PAH: variants seen among roughly 807,000 people sequenced by gnomAD.
The protein encoded by PAH is phenylalanine-4-hydroxylase.
In PAH, 64 loss-of-function variants were observed where a neutral mutation model predicts 62.0. The observed-to-expected ratio is 1.03, with a 90% CI of 0.84 to 1.27. The LOEUF (loss-of-function observed/expected upper bound fraction) is 1.27. Ranked by LOEUF, PAH falls within the 50% of genes most tolerant of loss-of-function variation. PAH has a pLI of 0.00. For synonymous variants in PAH, 195 were observed against 196.2 expected, an observed-to-expected ratio of 0.99 and a Z score of 0.05; for missense variants, 579 against 542.8, an observed-to-expected ratio of 1.07 and a Z score of -0.66.
At chr12:102,895,869 A>AAAATATAT (rs953209518) in intron 2 of PAH, among the ~76,000 whole-genome samples, 3 of 118,740 alleles carry the variant, frequency 2.5e-5, no homozygotes, top group African/African-American at 1.1e-4. Context: ...AAAAAAAAAA[A>AAAATATAT]ATATATATAT....
chr12:102,870,561 A>G lies in PAH; in HGVS notation c.442-3898T>C, dbSNP rs368926605. On this transcript the variant is annotated intron_variant, in intron 4 of 12. Transcript: ENST00000553106. ...ATCCAAAGACAGAGAAGTCTGGCTCAGAATATAAAAAAGATGTACTCTGGA... is the reference window on the plus strand; with the variant it reads ...ATCCAAAGACAGAGAAGTCTGGCTCGGAATATAAAAAAGATGTACTCTGGA... Among the ~76,000 whole-genome samples the G allele has an allele frequency of 2.7e-3, 408 of 152,366 alleles. 3 individuals are homozygous for G. The South Asian group carries it at 0.041, about 15-fold the overall frequency.
At chr12:102,882,203 G>T (rs1876838418) in intron 3 of PAH, among the ~76,000 whole-genome samples, 1 of 152,154 alleles carries the variant, frequency 6.6e-6, no homozygotes, top group African/African-American at 2.4e-5. Flanking sequence ...GGAAGACCCT[G>T]GTGACTTGAA....
chr12:102,929,044 A>G (rs1265194822), intron 1 of PAH, among the ~76,000 whole-genome samples: 2 of 152,100 alleles, frequency 1.3e-5, no homozygotes, highest in South Asian at 2.1e-4. Context: ...ATGGTTTTAT[A>G]AAAGGCTTTT....
chr12:102,843,555 G>T, intron 11 of PAH, 91 bp downstream of exon 11: 1 of 1,259,900 alleles, frequency 7.9e-7, no homozygotes. Flanking sequence ...TGTAGACATT[G>T]GAGTCCACTC....
At chr12:102,885,529 G>C (rs1877000289) in intron 3 of PAH, among the ~76,000 whole-genome samples, 1 of 152,184 alleles carries the variant, frequency 6.6e-6, no homozygotes, top group Non-Finnish European at 1.5e-5. Flanking sequence ...GGTGGGGGCA[G>C]ATCATTAATA....
intron 3 of PAH, among the ~76,000 whole-genome samples, chr12:102,893,594 T>A (rs1047165359): frequency 1.2e-4 from 18 of 152,278 alleles, no homozygotes; most frequent in African/African-American, 4.1e-4. Flanking sequence ...CTAAGCACTG[T>A]TTATGTATGA....
chr12:102,903,915 A>G (rs1877868293), intron 2 of PAH, among the ~76,000 whole-genome samples: 2 of 152,218 alleles, frequency 1.3e-5, no homozygotes, highest in Admixed American at 6.5e-5. Flanking sequence ...TTTGTAGCCC[A>G]TTACTAAGCC....
At chr12:102,952,743 G>A (rs1879803575), upstream of PAH, among the ~76,000 whole-genome samples, 1 of 152,132 alleles carries the variant, frequency 6.6e-6, no homozygotes. Context: ...TATAGTTTGT[G>A]CTTTTTTTGT....
chr12:102,865,049 C>T (rs1330553570), intron 5 of PAH, among the ~76,000 whole-genome samples: 5 of 152,110 alleles, frequency 3.3e-5, no homozygotes, highest in African/African-American at 4.8e-5. Flanking sequence ...AAAATTTTAA[C>T]GTACTTCTGA....
rs140662186 is a variant in PAH, at chr12:102,935,940, C to T, written c.-96+14649G>A. Among the ~76,000 whole-genome samples, 408 of 150,512 alleles carry T rather than the reference C, an allele frequency of 2.7e-3. 1 individual carries two copies. The highest frequency in any genetic ancestry group is 4.4e-3 in the Non-Finnish European group (300 of 67,472). ...TTCTATTAATTTTGGGTTTTGTTTG[C>T]TCTTGTTTTTCTAGTTCCTTAAGAT... On this transcript the variant is annotated intron_variant, in intron 1 of 3. Transcript: ENST00000546844.
In PAH at chr12:102,839,222, CAAAGAA is replaced by C; in HGVS notation, c.1316-10_1316-5del. ...CTGCAAAGGATTCCAATTTCACCTA[CAAAGAA>C]AAACACCATCAAAATGGGCCACTTG... On this transcript the variant is annotated splice_region_variant and splice_polypyrimidine_tract_variant and intron_variant, in intron 12 of 12. Coordinates refer to ENST00000553106, the MANE Select transcript of PAH (RefSeq NM_000277.3). 6.2e-7 allele frequency: 1 copy of C among 1,613,696 alleles called. No homozygotes were observed. Among genetic ancestry groups the C allele is most frequent in the South Asian group, 1.1e-5 (1 of 91,076 alleles).
intron 2 of PAH, 100 bp downstream of exon 2, chr12:102,912,691 C>A: frequency 1.2e-6 from 1 of 865,486 alleles, no homozygotes; most frequent in Non-Finnish European, 2.0e-6. Flanking sequence ...TTCAAATCTG[C>A]CTGTTCCAGA....
intron 1 of PAH, among the ~76,000 whole-genome samples, chr12:102,945,646 C>T (rs944896912): frequency 3.9e-5 from 6 of 152,092 alleles, no homozygotes; most frequent in African/African-American, 9.7e-5. Context: ...AGGGGCTCTT[C>T]GGGCAGCTTG....
chr12:102,847,062 C>T, intron 8 of PAH, 111 bp from the exon 9 acceptor site: 1 of 793,082 alleles, frequency 1.3e-6, no homozygotes, highest in East Asian at 2.5e-5. Flanking sequence ...TTCAGAACAG[C>T]CCACATAGAC....
intron 5 of PAH, among the ~76,000 whole-genome samples, chr12:102,856,816 A>G (rs141530085): frequency 0.014 from 2,070 of 152,342 alleles, 14 homozygotes; most frequent in Middle Eastern, 0.034. Flanking sequence ...GGACATCCAC[A>G]CCAAAACCCC....
intron 2 of PAH, among the ~76,000 whole-genome samples, chr12:102,907,148 G>C (rs1878008898): frequency 6.6e-6 from 1 of 152,206 alleles, no homozygotes; most frequent in South Asian, 2.1e-4. Context: ...ATAATAGATG[G>C]AAGGAATATT....
rs1878286806 is a variant in PAH at position 102,913,743 on chromosome 12, C to G, written c.61-845G>C. On this transcript the variant is annotated intron_variant, in intron 1 of 12. Transcript: ENST00000553106. The stretch of plus-strand genomic sequence containing the variant: ...CCATGAAAGTACACAAATAACCTAT[C>G]AGAAAATAAACTTAGTCTTAAACTA... The G allele has an allele frequency of 4.3e-6, 3 of 694,644 alleles. No individual in the cohort carries two copies. In the East Asian group the frequency reaches 8.1e-5, roughly 19 times the overall value. The allele number at this position is 694,644 out of a possible 1,614,324, so 43.0% of individuals were successfully genotyped here.
At chr12:102,947,439 T>C (rs1229333384) in intron 1 of PAH, among the ~76,000 whole-genome samples, 1 of 152,200 alleles carries the variant, frequency 6.6e-6, no homozygotes, top group African/African-American at 2.4e-5. Context: ...TCACACCAGT[T>C]TCAGATCCCA....
At chr12:102,867,651 C>A (rs1876036000) in intron 4 of PAH, among the ~76,000 whole-genome samples, 1 of 152,052 alleles carries the variant, frequency 6.6e-6, no homozygotes, top group Non-Finnish European at 1.5e-5. Context: ...ACTGTCCCTC[C>A]AAACCAAGGC....
Sources: allele counts gnomAD v4.1 joint callset (sites outside exome capture counted in the v4.1 genomes callset), GRCh38; gene constraint gnomAD v4.1.1; transcripts MANE v1.5; gene names NCBI Gene and HGNC (gene_info 2026-07-23, HGNC 2026-07-21).